SORCS3: variants seen among roughly 807,000 people sequenced by gnomAD.
The protein encoded by SORCS3 is sortilin related VPS10 domain containing receptor 3.
In SORCS3, 57 loss-of-function variants were observed where a neutral mutation model predicts 146.3. The ratio of observed to expected loss-of-function variants is 0.39; its 90% CI spans 0.31 to 0.49. The LOEUF (loss-of-function observed/expected upper bound fraction) is 0.49. Among genes scored for constraint, SORCS3 ranks in the 20% least tolerant of loss-of-function variants. The pLI, the probability that SORCS3 is intolerant of heterozygous loss-of-function variation, is 0.92. For missense variants in SORCS3, 1,341 were observed against 1,575.5 expected (o/e 0.85, Z 2.52); for synonymous variants, 653 against 618.5 (o/e 1.06, Z -0.83).
intron 20 of SORCS3, among the ~76,000 whole-genome samples, chr10:105,225,380 T>A (rs1274543270): frequency 2.6e-5 from 4 of 152,064 alleles, no homozygotes. Context: ...TTGCCAAAAA[T>A]AAGTTGATTA....
intron 1 of SORCS3, among the ~76,000 whole-genome samples, chr10:104,818,935 G>T (rs1398861418): frequency 6.6e-6 from 1 of 151,864 alleles, no homozygotes; most frequent in Non-Finnish European, 1.5e-5. Context: ...GTAGCTTTTT[G>T]CCTTATGATA....
At chr10:104,945,587 CATGG>C (rs2019362427) in intron 3 of SORCS3, among the ~76,000 whole-genome samples, 4 of 142,866 alleles carry the variant, frequency 2.8e-5, no homozygotes, top group African/African-American at 1.0e-4. Context: ...TTTTTTTAAT[CATGG>C]AAGTGAATAC....
intron 2 of SORCS3, among the ~76,000 whole-genome samples, chr10:104,862,220 A>G (rs1322395803): frequency 6.6e-6 from 1 of 152,082 alleles, no homozygotes; most frequent in Non-Finnish European, 1.5e-5. Context: ...AGATTTGGGG[A>G]AAAGAGAGTG....
chr10:104,931,087 C>A (rs531718196), intron 3 of SORCS3, among the ~76,000 whole-genome samples: 188 of 152,268 alleles, frequency 1.2e-3, no homozygotes, highest in African/African-American at 4.1e-3. Context: ...TCTGGTGAGC[C>A]TTTGGAGAAA....
intron 17 of SORCS3, 52 bp from the exon 18 acceptor site, chr10:105,214,390 G>A (rs2056652550): frequency 1.4e-6 from 2 of 1,468,458 alleles, no homozygotes; most frequent in Admixed American, 1.8e-5. Flanking sequence ...ACATACAACA[G>A]CAACAACAAC....
At chr10:104,913,984 G>C (rs1390744756) in intron 2 of SORCS3, among the ~76,000 whole-genome samples, 2 of 151,926 alleles carry the variant, frequency 1.3e-5, no homozygotes, top group Non-Finnish European at 2.9e-5. Flanking sequence ...GGCCAGGCTG[G>C]TCTCAAACTC....
At chr10:105,173,959 A>T (rs1188315728) in intron 13 of SORCS3, among the ~76,000 whole-genome samples, 1 of 152,166 alleles carries the variant, frequency 6.6e-6, no homozygotes, top group Non-Finnish European at 1.5e-5. Context: ...GTGACTATCA[A>T]ATCACCTTAT....
At chr10:104,764,002 C>T (rs1249747220) in intron 1 of SORCS3, among the ~76,000 whole-genome samples, 4 of 142,886 alleles carry the variant, frequency 2.8e-5, no homozygotes, top group African/African-American at 7.9e-5. Context: ...TCAATTAAAC[C>T]TTTTTTTTTT....
At chr10:104,958,521 A>G (rs1236613720) in intron 3 of SORCS3, among the ~76,000 whole-genome samples, 1 of 152,212 alleles carries the variant, frequency 6.6e-6, no homozygotes. Flanking sequence ...TGTAATCTAG[A>G]GAATGGGAAA....
chr10:105,145,928 G>A (rs990877145), intron 8 of SORCS3, among the ~76,000 whole-genome samples: 1 of 152,068 alleles, frequency 6.6e-6, no homozygotes, highest in African/African-American at 2.4e-5. Context: ...TCATCTTGGA[G>A]GAGCTCTCTG....
chr10:105,115,681 G>A (rs967139750), intron 7 of SORCS3, among the ~76,000 whole-genome samples: 86 of 152,092 alleles, frequency 5.7e-4, no homozygotes, highest in African/African-American at 2.0e-3. Flanking sequence ...CTAAGATCCT[G>A]ATTTATATAC....
At chr10:105,261,837 T>G (rs1035151170) in intron 25 of SORCS3, among the ~76,000 whole-genome samples, 4 of 152,190 alleles carry the variant, frequency 2.6e-5, no homozygotes, top group Non-Finnish European at 4.4e-5. Context: ...GTATTTAAGG[T>G]ACTTATCCCA....
chr10:104,903,842 A>G (rs1285415778), intron 2 of SORCS3, among the ~76,000 whole-genome samples: 1 of 152,272 alleles, frequency 6.6e-6, no homozygotes, highest in African/African-American at 2.4e-5. Context: ...ACAAGAATCC[A>G]TATATCTTCT....
chr10:105,206,953 G>GC (rs2056606008), intron 16 of SORCS3, among the ~76,000 whole-genome samples: 2 of 152,114 alleles, frequency 1.3e-5, no homozygotes, highest in Admixed American at 1.3e-4. Flanking sequence ...AATCAGGGAG[G>GC]CTGTGATATG....
intron 4 of SORCS3, among the ~76,000 whole-genome samples, chr10:105,016,502 A>G (rs1418462862): frequency 6.6e-6 from 1 of 152,086 alleles, no homozygotes. Flanking sequence ...TAGCGAGCAG[A>G]CACATAACAC....
intron 5 of SORCS3, among the ~76,000 whole-genome samples, chr10:105,057,043 T>C (rs2133715009): frequency 6.6e-6 from 1 of 152,326 alleles, no homozygotes; most frequent in South Asian, 2.1e-4. Context: ...TATACTCTCA[T>C]TTATACTAAA....
At chr10:105,197,747 A>G (rs2056551744) in intron 14 of SORCS3, among the ~76,000 whole-genome samples, 1 of 152,082 alleles carries the variant, frequency 6.6e-6, no homozygotes, top group Non-Finnish European at 1.5e-5. Flanking sequence ...TCTAGCTAAC[A>G]TTTCTCTAGG....
chr10:105,039,451 C>CTTTT (rs920662213), intron 4 of SORCS3, among the ~76,000 whole-genome samples: 176 of 96,540 alleles, frequency 1.8e-3, no homozygotes, highest in Middle Eastern at 6.0e-3. Context: ...CTCTCGCTCT[C>CTTTT]TTTTTTTTTT....
rs147484596 is a variant in SORCS3, at chr10:104,892,034, G to A, written c.696-23799G>A. On this transcript the variant is annotated intron_variant, in intron 2 of 26. Coordinates refer to ENST00000369701, the MANE Select transcript of SORCS3 (RefSeq NM_014978.3). ...TTTGTGACCCCTCAGTGAAGATGTA[G>A]ACTGTCAGCGTGAATATTTTGTGAA... is the stretch of plus-strand genomic sequence containing the variant. Among the ~76,000 whole-genome samples, 284 of 152,330 alleles carry A rather than the reference G, an allele frequency of 1.9e-3. 2 individuals carry two copies. Among genetic ancestry groups the A allele is most frequent in the Middle Eastern group, 3.4e-3 (1 of 294 alleles).
Sources: allele counts gnomAD v4.1 joint callset (sites outside exome capture counted in the v4.1 genomes callset), GRCh38; gene constraint gnomAD v4.1.1; transcripts MANE v1.5; gene names NCBI Gene and HGNC (gene_info 2026-07-23, HGNC 2026-07-21).